The following MAGI2 variants were observed in gnomAD, a reference collection of about 807,000 sequenced individuals.
The protein encoded by MAGI2 is membrane-associated guanylate kinase, WW and PDZ domain-containing protein 2.
In MAGI2, 35 loss-of-function variants were observed where a neutral mutation model predicts 133.3. The ratio of observed to expected loss-of-function variants is 0.26; its 90% CI spans 0.20 to 0.35. The LOEUF (loss-of-function observed/expected upper bound fraction) is 0.35. Among genes scored for constraint, MAGI2 ranks in the 10% least tolerant of loss-of-function variants. The pLI, the probability that MAGI2 is intolerant of heterozygous loss-of-function variation, is 1.00. For synonymous variants in MAGI2, 729 were observed against 710.6 expected, an observed-to-expected ratio of 1.03 and a Z score of -0.41; for missense variants, 1,636 against 1,863.4, an observed-to-expected ratio of 0.88 and a Z score of 2.25.
intron 6 of MAGI2, among the ~76,000 whole-genome samples, chr7:78,431,814 G>C (rs189743299): frequency 6.6e-6 from 1 of 151,992 alleles, no homozygotes; most frequent in Admixed American, 6.6e-5. Flanking sequence ...TTTTCAAGGT[G>C]TCTCGTAAAT....
chr7:78,581,251 G>T (rs529367895), intron 3 of MAGI2, among the ~76,000 whole-genome samples: 6 of 152,160 alleles, frequency 3.9e-5, no homozygotes, highest in Non-Finnish European at 8.8e-5. Context: ...CTCCCCTCAA[G>T]GGTGTCTGGC....
intron 7 of MAGI2, among the ~76,000 whole-genome samples, chr7:78,357,380 G>A (rs1382403511): frequency 6.6e-6 from 1 of 152,058 alleles, no homozygotes; most frequent in Non-Finnish European, 1.5e-5. Context: ...TTGATTAATA[G>A]TTACTAAATA....
chr7:79,055,632 T>C (rs1365561238), intron 1 of MAGI2, among the ~76,000 whole-genome samples: 3 of 152,182 alleles, frequency 2.0e-5, no homozygotes, highest in African/African-American at 7.2e-5. Flanking sequence ...TAATTACATA[T>C]GTAATATTCT....
intron 1 of MAGI2, among the ~76,000 whole-genome samples, chr7:79,316,327 A>G (rs1244180642): frequency 6.6e-6 from 1 of 152,178 alleles, no homozygotes; most frequent in African/African-American, 2.4e-5. Flanking sequence ...ATGATATTTT[A>G]TAGAATAGGA....
At chr7:79,241,696 T>C (rs1832431589) in intron 1 of MAGI2, among the ~76,000 whole-genome samples, 1 of 152,112 alleles carries the variant, frequency 6.6e-6, no homozygotes. Context: ...ATAGCATGCC[T>C]TTCTATAATT....
chr7:78,821,210 A>G (rs41491546), intron 2 of MAGI2, among the ~76,000 whole-genome samples: 4,393 of 152,136 alleles, frequency 0.029, 90 homozygotes, highest in Middle Eastern at 0.054. Flanking sequence ...GTACTATGAG[A>G]TATGTTACGA....
At chr7:78,704,561 A>G (rs959400399) in intron 2 of MAGI2, among the ~76,000 whole-genome samples, 4 of 152,152 alleles carry the variant, frequency 2.6e-5, no homozygotes, top group Non-Finnish European at 5.9e-5. Context: ...CAATCCCGTT[A>G]TTGGGTAAAT....
At chr7:78,583,297 GA>G (rs1462497162) in intron 3 of MAGI2, 2 of 153,652 alleles carry the variant, frequency 1.3e-5, no homozygotes, top group Non-Finnish European at 2.9e-5. Context: ...AGGAGATCAA[GA>G]CCATCCTGGC....
chr7:79,013,400 G>A (rs1447859820), intron 1 of MAGI2, among the ~76,000 whole-genome samples: 1 of 152,162 alleles, frequency 6.6e-6, no homozygotes, highest in Non-Finnish European at 1.5e-5. Context: ...AGAAGAGAAG[G>A]AAATCTACCC....
At chr7:79,236,473 A>G (rs1447830335) in intron 1 of MAGI2, among the ~76,000 whole-genome samples, 1 of 152,238 alleles carries the variant, frequency 6.6e-6, no homozygotes, top group Non-Finnish European at 1.5e-5. Flanking sequence ...AAAAGATTCA[A>G]ATACAATCAA....
chr7:79,077,804 T>G (rs921382518), intron 1 of MAGI2, among the ~76,000 whole-genome samples: 1 of 152,090 alleles, frequency 6.6e-6, no homozygotes, highest in Non-Finnish European at 1.5e-5. Context: ...TATATTTACA[T>G]GGATGTACTG....
chr7:78,855,049 G>A (rs1171784847), intron 2 of MAGI2, among the ~76,000 whole-genome samples: 1 of 151,866 alleles, frequency 6.6e-6, no homozygotes, highest in Non-Finnish European at 1.5e-5. Context: ...TAGAGATGCG[G>A]TTTCGCCATG....
intron 1 of MAGI2, among the ~76,000 whole-genome samples, chr7:79,266,079 A>C (rs1175913498): frequency 1.3e-5 from 2 of 152,120 alleles, no homozygotes; most frequent in African/African-American, 2.4e-5. Context: ...TCACTACTTC[A>C]TGCAGTTACA....
At chr7:79,146,747 G>C (rs562515518) in intron 1 of MAGI2, among the ~76,000 whole-genome samples, 1 of 152,318 alleles carries the variant, frequency 6.6e-6, no homozygotes, top group Admixed American at 6.5e-5. Context: ...GGAACTGTGA[G>C]TGCATTAAAC....
chr7:78,716,452 T>C (rs183401374), intron 2 of MAGI2, among the ~76,000 whole-genome samples: 1 of 152,064 alleles, frequency 6.6e-6, no homozygotes, highest in Non-Finnish European at 1.5e-5. Flanking sequence ...GCAAAACTGT[T>C]CCTAAGTTAG....
At chr7:78,384,283 T>C (rs1365626272) in intron 6 of MAGI2, among the ~76,000 whole-genome samples, 1 of 152,166 alleles carries the variant, frequency 6.6e-6, no homozygotes, top group African/African-American at 2.4e-5. Context: ...TAACCTACTA[T>C]GAGCTAAGCA....
At chr7:78,937,556 A>G (rs1213530670) in intron 2 of MAGI2, among the ~76,000 whole-genome samples, 1 of 152,130 alleles carries the variant, frequency 6.6e-6, no homozygotes, top group African/African-American at 2.4e-5. Context: ...TCTGTGGAAA[A>G]CATGGAAAAC....
At chr7:78,597,061 C>T (rs998102352) in intron 3 of MAGI2, among the ~76,000 whole-genome samples, 11 of 152,052 alleles carry the variant, frequency 7.2e-5, no homozygotes, top group African/African-American at 2.4e-4. Context: ...AGAGAAATGG[C>T]TATTAGGATG....
chr7:78,801,880 G>A (rs1788089645), intron 2 of MAGI2, among the ~76,000 whole-genome samples: 1 of 152,016 alleles, frequency 6.6e-6, no homozygotes, highest in Admixed American at 6.6e-5. Context: ...CATTAAACTT[G>A]TTCATTCATT....
Sources: gnomAD v4.1 joint callset for allele counts (sites outside exome capture counted in the v4.1 genomes callset) on GRCh38, gnomAD v4.1.1 for gene constraint, MANE v1.5 for transcripts, NCBI Gene and HGNC (gene_info 2026-07-23, HGNC 2026-07-21) for gene names.